The following SEMA3C variants were observed in gnomAD, a reference collection of about 807,000 sequenced individuals.
SEMA3C encodes the protein semaphorin-3C.
A neutral mutation model predicts 89.4 loss-of-function variants in SEMA3C; 47 were observed. The ratio of observed to expected loss-of-function variants is 0.53; its 90% CI spans 0.42 to 0.67. The LOEUF (loss-of-function observed/expected upper bound fraction) is 0.67, where lower values mean the gene tolerates loss of function less well. SEMA3C is among the 30% of genes least tolerant of loss of function. The pLI is 0.00. For missense variants in SEMA3C, 839 were observed against 929.1 expected (o/e 0.90, Z 1.26); for synonymous variants, 310 against 320.2 (o/e 0.97, Z 0.34).
At chr7:80,829,215 A>C (rs1583917963) in intron 2 of SEMA3C, among the ~76,000 whole-genome samples, 1 of 152,190 alleles carries the variant, frequency 6.6e-6, no homozygotes, top group East Asian at 1.9e-4. Context: ...TTTGTACTGA[A>C]GTAAAACATA....
At chr7:80,746,718 GGTGTGTGT>G (rs5885196) in intron 17 of SEMA3C, among the ~76,000 whole-genome samples, 1 of 142,928 alleles carries the variant, frequency 7.0e-6, no homozygotes, top group African/African-American at 2.6e-5. Context: ...ATTGAAGTGG[GGTGTGTGT>G]GTGTGTGTGT....
Position 80,744,735 on chromosome 7 carries a change from G to T in SEMA3C, c.*159C>A. On this transcript the variant is annotated 3_prime_UTR_variant, in exon 18 of 18. Transcript: ENST00000265361. ...TCTAGTGCTAGTCACTATCATACAA[G>T]AAAATGCATGCTCATTTCAGTTCGT... is the stretch of plus-strand genomic sequence containing the variant. 4.1e-6 allele frequency: 3 copies of T among 737,610 alleles called. No individual in the cohort carries two copies. Among genetic ancestry groups the T allele is most frequent in the South Asian group, 1.8e-5 (1 of 56,316 alleles). 45.7% of individuals were successfully genotyped at this position (737,610 alleles called of 1,614,324 possible). A position where few individuals can be genotyped will look rare whatever the true frequency, so the allele number is the denominator to read the frequency against.
At chr7:80,750,526 T>C (rs1348882621) in intron 16 of SEMA3C, among the ~76,000 whole-genome samples, 2 of 136,094 alleles carry the variant, frequency 1.5e-5, no homozygotes, top group African/African-American at 5.2e-5. Context: ...ATTATATATA[T>C]GCACACATGA....
At chr7:80,751,365 C>A in intron 15 of SEMA3C, 29 bp from the exon 16 acceptor site, 1 of 1,594,750 alleles carries the variant, frequency 6.3e-7, no homozygotes, top group East Asian at 2.2e-5. Flanking sequence ...ATAAAAGTGA[C>A]TGAGAATTAT....
chr7:80,745,034 T>A lies in SEMA3C; in HGVS notation c.2116A>T (p.Asn706Tyr), dbSNP rs374723928. 1.9e-6 allele frequency: 3 copies of A among 1,614,004 alleles called. No homozygotes were observed. In the African/African-American group the frequency reaches 4.0e-5, roughly 22 times the overall value. The change falls in exon 18 of 18, where the codon AAC (asparagine) becomes TAC (tyrosine). Residue 706 changes from asparagine (N) to tyrosine (Y), a missense_variant. By Grantham distance (143) the Asn-to-Tyr change is moderately radical. Coordinates refer to ENST00000265361, the MANE Select transcript of SEMA3C (RefSeq NM_006379.5). ...TGCCGAGTGTCTTTGCAATATTGGT[T>A]AATCATCTGCATTTCTGAGTGGCTG... ...AFSHSEMQMI[N>Y]QYCKDTRQQH...
chr7:80,906,005 G>A (rs1792006219), intron 2 of SEMA3C: 1 of 685,342 alleles, frequency 1.5e-6, no homozygotes, highest in South Asian at 1.6e-5. Context: ...AGCTGGGTGA[G>A]TAGAGAGCAA....
chr7:80,855,788 G>C (rs1396787093), intron 2 of SEMA3C, among the ~76,000 whole-genome samples: 1 of 152,094 alleles, frequency 6.6e-6, no homozygotes, highest in African/African-American at 2.4e-5. Flanking sequence ...TTAATAATTT[G>C]CCTTCTTTGA....
At chr7:80,861,074 T>C (rs555670019) in intron 2 of SEMA3C, among the ~76,000 whole-genome samples, 1 of 152,096 alleles carries the variant, frequency 6.6e-6, no homozygotes, top group South Asian at 2.1e-4. Context: ...AACATACCAA[T>C]ATGAACATTC....
rs11979078 is a variant in SEMA3C, at chr7:80,839,743, T to C, written c.104-10998A>G. Among the ~76,000 whole-genome samples the C allele has an allele frequency of 7.2e-3, 1,090 of 152,076 alleles. 14 individuals are homozygous for C. The highest frequency in any genetic ancestry group is 0.023 in the African/African-American group (939 of 41,482). On this transcript the variant is annotated intron_variant, in intron 2 of 17. Coordinates refer to ENST00000265361, the MANE Select transcript of SEMA3C (RefSeq NM_006379.5). Reference sequence around the variant, plus strand: ...AATATTTCAGACCAATGTGTGTGCATTGGGGAAGGATGATGACCTGACATG... The same window carrying C: ...AATATTTCAGACCAATGTGTGTGCACTGGGGAAGGATGATGACCTGACATG...
intron 2 of SEMA3C, among the ~76,000 whole-genome samples, chr7:80,859,788 T>C (rs896791010): frequency 6.6e-6 from 1 of 152,156 alleles, no homozygotes; most frequent in African/African-American, 2.4e-5. Flanking sequence ...TATTTGGTGA[T>C]GACAGCTCAG....
chr7:80,856,560 A>T (rs1790646371), intron 2 of SEMA3C, among the ~76,000 whole-genome samples: 1 of 147,706 alleles, frequency 6.8e-6, no homozygotes, highest in South Asian at 2.1e-4. Flanking sequence ...AAAAAAAACT[A>T]GGTTGGAATA....
intron 15 of SEMA3C, among the ~76,000 whole-genome samples, chr7:80,757,075 A>G (rs1322838475): frequency 6.6e-6 from 1 of 152,212 alleles, no homozygotes; most frequent in Non-Finnish European, 1.5e-5. Flanking sequence ...GAACTAATGA[A>G]TAAGAGGATC....
chr7:80,895,175 T>C (rs1317425344), intron 2 of SEMA3C, among the ~76,000 whole-genome samples: 1 of 152,196 alleles, frequency 6.6e-6, no homozygotes, highest in East Asian at 1.9e-4. Flanking sequence ...CCTAAAACTG[T>C]TCCTAAACTA....
chr7:80,850,454 T>C (rs1052933208), intron 2 of SEMA3C, among the ~76,000 whole-genome samples: 1 of 152,178 alleles, frequency 6.6e-6, no homozygotes, highest in Non-Finnish European at 1.5e-5. Context: ...TACTTCTACA[T>C]ATAAAAATGC....
rs779455229 is a variant in SEMA3C at position 80,878,023 on chromosome 7, C to A, written c.103+38656G>T. On this transcript the variant is annotated intron_variant, in intron 2 of 17. Coordinates refer to ENST00000265361, the MANE Select transcript of SEMA3C (RefSeq NM_006379.5). The stretch of plus-strand genomic sequence containing the variant: ...TCTCCTTCATTTAAATTTAATTACA[C>A]TTTGTAAGTTGAGCCTCTTCCATTT... 5.3e-5 allele frequency among the ~76,000 whole-genome samples: 8 copies of A among 152,234 alleles called. No individual in the cohort carries two copies. The East Asian group carries it at 1.2e-3, about 22-fold the overall frequency.
intron 2 of SEMA3C, among the ~76,000 whole-genome samples, chr7:80,888,913 G>A (rs1791546204): frequency 6.6e-6 from 1 of 151,920 alleles, no homozygotes; most frequent in South Asian, 2.1e-4. Flanking sequence ...ACCCTGGCTG[G>A]GGTGCAAGGG....
At chr7:80,863,655 T>C in intron 2 of SEMA3C, among the ~76,000 whole-genome samples, 2 of 145,112 alleles carry the variant, frequency 1.4e-5, no homozygotes. Flanking sequence ...GGTATATATA[T>C]ATCACATATA....
At chr7:80,889,473 A>G (rs769016606) in intron 2 of SEMA3C, among the ~76,000 whole-genome samples, 1 of 152,182 alleles carries the variant, frequency 6.6e-6, no homozygotes, top group Non-Finnish European at 1.5e-5. Context: ...TTGTTGTATT[A>G]CAACACATTC....
In SEMA3C at chr7:80,748,894, T is replaced by A. The variant is rs1472456420; in HGVS notation, c.1842+4A>T. The A allele has an allele frequency of 6.2e-7, 1 of 1,609,162 alleles. No individual in the cohort carries two copies. The highest frequency in any genetic ancestry group is 8.5e-7 in the Non-Finnish European group (1 of 1,178,136). Reference sequence around the variant, plus strand: ...ATGGATTGCTGCTGTGCTGCTTTACTCACCTCTTTCCTCCTGTCTTTGTCT... The same window carrying A: ...ATGGATTGCTGCTGTGCTGCTTTACACACCTCTTTCCTCCTGTCTTTGTCT... On this transcript the variant is annotated splice_donor_region_variant and intron_variant, in intron 17 of 17. Coordinates refer to ENST00000265361, the MANE Select transcript of SEMA3C (RefSeq NM_006379.5).
Sources: allele counts gnomAD v4.1 joint callset (sites outside exome capture counted in the v4.1 genomes callset), GRCh38; gene constraint gnomAD v4.1.1; transcripts MANE v1.5; gene names NCBI Gene and HGNC (gene_info 2026-07-23, HGNC 2026-07-21).